The following RAB3IL1 variants were observed in gnomAD, a reference collection of about 807,000 sequenced individuals.
RAB3IL1 encodes RAB3A interacting protein like 1.
RAB3IL1 carries 37 observed loss-of-function variants against 49.2 expected under a neutral mutation model. The ratio of observed to expected loss-of-function variants is 0.75; its 90% CI spans 0.58 to 0.99. The LOEUF is 0.99. Ranked by LOEUF, RAB3IL1 falls within the 50% of genes least tolerant of loss-of-function variation. The probability of loss-of-function intolerance (pLI) is 0.00; values close to 1 mark genes in which losing one functional copy is unlikely to be tolerated. For synonymous variants in RAB3IL1, 193 were observed against 213.9 expected (o/e 0.90, Z 0.85); for missense variants, 484 against 513.0 (o/e 0.94, Z 0.55).
Position 61,898,124 on chromosome 11 carries a change from G to C in RAB3IL1, c.*154C>G. ...CCGTCTGTCCCAGGATGGACGTGTG[G>C]TGCTGGCTCAGTGCTGCCTCCATGG... On this transcript the variant is annotated 3_prime_UTR_variant, in exon 10 of 10. Coordinates refer to ENST00000394836, the MANE Select transcript of RAB3IL1 (RefSeq NM_013401.4). The surrounding 1 kb of genome is among the most constrained non-coding windows in gnomAD (Gnocchi z 5.1). The C allele has an allele frequency of 1.4e-6, 1 of 703,002 alleles. No individual in the cohort carries two copies. The highest frequency in any genetic ancestry group is 2.5e-5 in the East Asian group (1 of 40,026). 43.5% of individuals were successfully genotyped at this position (703,002 alleles called of 1,614,324 possible). A position where few individuals can be genotyped will look rare whatever the true frequency, so the allele number is the denominator to read the frequency against.
the RAB3IL1 span, among the ~76,000 whole-genome samples, chr11:61,940,813 A>AGGGGTG: frequency 6.6e-6 from 1 of 151,486 alleles, no homozygotes; most frequent in Non-Finnish European, 1.5e-5. Context: ...CCAGCTACTC[A>AGGGGTG]GGAGGCTGAG....
upstream of RAB3IL1, among the ~76,000 whole-genome samples, chr11:61,918,283 A>G (rs143744663): frequency 0.016 from 2,424 of 152,152 alleles, 106 homozygotes; most frequent in Admixed American, 0.091. Context: ...ATTCGTCTCA[A>G]CTTCAGCCTG....
At chr11:61,920,381 T>A (rs1201774950), upstream of RAB3IL1, 3 of 704,608 alleles carry the variant, frequency 4.3e-6, no homozygotes, top group African/African-American at 1.8e-5. Context: ...TTAACTCCTG[T>A]GGCTCCTCAG....
At chr11:61,900,433 G>T (rs546710760) in intron 8 of RAB3IL1, among the ~76,000 whole-genome samples, 1 of 152,350 alleles carries the variant, frequency 6.6e-6, no homozygotes, top group South Asian at 2.1e-4. Context: ...GAGAAGCTTC[G>T]GGGAGGGGCG....
chr11:61,935,338 T>C, the RAB3IL1 span, among the ~76,000 whole-genome samples: 1 of 151,018 alleles, frequency 6.6e-6, no homozygotes, highest in South Asian at 2.1e-4. Flanking sequence ...GAGAATCGCT[T>C]GAACCCGTGT....
intron 1 of RAB3IL1, among the ~76,000 whole-genome samples, chr11:61,911,795 G>A (rs1418780943): frequency 6.6e-6 from 1 of 152,192 alleles, no homozygotes; most frequent in Non-Finnish European, 1.5e-5. Context: ...CCACTGCCGA[G>A]AGGCCCAGGC....
At chr11:61,916,633 T>C (rs1939701786) in intron 1 of RAB3IL1, among the ~76,000 whole-genome samples, 1 of 152,226 alleles carries the variant, frequency 6.6e-6, no homozygotes, top group African/African-American at 2.4e-5. Context: ...CGACCTGGTC[T>C]TTCCCGGCCA....
chr11:61,920,786 G>C (rs1289206803), upstream of RAB3IL1, among the ~76,000 whole-genome samples: 1 of 152,078 alleles, frequency 6.6e-6, no homozygotes, highest in Non-Finnish European at 1.5e-5. Context: ...AGCCGGGCAT[G>C]GTGGCGCATG....
intron 1 of RAB3IL1, among the ~76,000 whole-genome samples, chr11:61,910,066 T>C (rs899580746): frequency 3.9e-5 from 6 of 152,208 alleles, no homozygotes; most frequent in Non-Finnish European, 8.8e-5. Flanking sequence ...ACTCGTGGTA[T>C]TGTCCCATTC....
chr11:61,920,006 C>A (rs1476144010), upstream of RAB3IL1: 1 of 1,230,014 alleles, frequency 8.1e-7, no homozygotes, highest in African/African-American at 1.5e-5. Flanking sequence ...TGCCAAGACT[C>A]CCCCTCCCCT....
the RAB3IL1 span, among the ~76,000 whole-genome samples, chr11:61,934,450 G>GTGTATGTATGTATATATATATA: frequency 6.0e-4 from 19 of 31,526 alleles, no homozygotes; most frequent in South Asian, 2.5e-3. Context: ...GTGTGTGTAT[G>GTGTATGTATGTATATATATATA]TATATATATA....
At chr11:61,920,143 G>C (rs1485404429), upstream of RAB3IL1, 2 of 1,340,704 alleles carry the variant, frequency 1.5e-6, no homozygotes, top group East Asian at 5.7e-5. Context: ...CAGGAACACG[G>C]GACATGTCCC....
chr11:61,943,321 A>C, the RAB3IL1 span, among the ~76,000 whole-genome samples: 1 of 152,348 alleles, frequency 6.6e-6, no homozygotes, highest in South Asian at 2.1e-4. Context: ...ACCTCAAATG[A>C]TACATAAAAA....
chr11:61,940,555 G>A, the RAB3IL1 span, among the ~76,000 whole-genome samples: 1 of 152,216 alleles, frequency 6.6e-6, no homozygotes, highest in Non-Finnish European at 1.5e-5. Context: ...GGGAGGCCAA[G>A]GCGAGAGGAT....
intron 8 of RAB3IL1, among the ~76,000 whole-genome samples, chr11:61,901,172 G>A (rs908467921): frequency 1.3e-5 from 2 of 152,192 alleles, no homozygotes; most frequent in Admixed American, 6.5e-5. Flanking sequence ...GCTCCCCTGC[G>A]AGGAGCCTCT....
At chr11:61,943,892 C>T in the RAB3IL1 span, among the ~76,000 whole-genome samples, 1 of 152,134 alleles carries the variant, frequency 6.6e-6, no homozygotes, top group South Asian at 2.1e-4. Flanking sequence ...AAAAAAAAGA[C>T]TGGAAGGAAA....
chr11:61,920,277 C>T (rs1939870590), upstream of RAB3IL1: 12 of 1,233,698 alleles, frequency 9.7e-6, no homozygotes, highest in African/African-American at 7.7e-5. Flanking sequence ...CAGGCTGAGC[C>T]TCACACTAAC....
Position 61,897,951 on chromosome 11 carries a change from G to A in RAB3IL1, c.*327C>T, listed in dbSNP as rs1017799532. 11 of 291,366 alleles carry A rather than the reference G, an allele frequency of 3.8e-5. No individual in the cohort carries two copies. Among genetic ancestry groups the A allele is most frequent in the South Asian group, 1.3e-4 (3 of 22,498 alleles). The allele number at this position is 291,366 out of a possible 1,614,324, so 18.0% of individuals were successfully genotyped here. The stretch of plus-strand genomic sequence containing the variant: ...CAGTTCTGGGGACTGGGGAGGGGGC[G>A]CTGGCTGCCTCAGGTGTCCCCTCCC... On this transcript the variant is annotated 3_prime_UTR_variant, in exon 10 of 10. Coordinates refer to ENST00000394836, the MANE Select transcript of RAB3IL1 (RefSeq NM_013401.4).
At chr11:61,925,995 C>T in the RAB3IL1 span, among the ~76,000 whole-genome samples, 1 of 147,518 alleles carries the variant, frequency 6.8e-6, no homozygotes, top group Non-Finnish European at 1.5e-5. Flanking sequence ...ACACATCTAG[C>T]AAGGGAAAGA....
Sources: allele counts gnomAD v4.1 joint callset (sites outside exome capture counted in the v4.1 genomes callset), GRCh38; gene constraint gnomAD v4.1.1; non-coding constraint Gnocchi (gnomAD v3.1); transcripts MANE v1.5; gene names NCBI Gene and HGNC (gene_info 2026-07-23, HGNC 2026-07-21).